DNAH17: variants seen among roughly 807,000 people sequenced by gnomAD.
The protein encoded by DNAH17 is axonemal beta dynein heavy chain 17.
In DNAH17, 376 loss-of-function variants were observed where a neutral mutation model predicts 485.6. That is an observed-to-expected ratio of 0.77 (90% CI 0.71 to 0.84). DNAH17 has a LOEUF of 0.84. Among genes scored for constraint, DNAH17 ranks in the 40% least tolerant of loss-of-function variants. The pLI, the probability that DNAH17 is intolerant of heterozygous loss-of-function variation, is 0.00. For missense variants in DNAH17, 6,370 were observed against 5,839.3 expected, an observed-to-expected ratio of 1.09 and a Z score of -2.96; for synonymous variants, 3,031 against 2,405.9, an observed-to-expected ratio of 1.26 and a Z score of -7.60.
chr17:78,530,460 T>G lies in DNAH17; in HGVS notation c.3167A>C (p.Lys1056Thr). 2 of 1,613,440 alleles carry G rather than the reference T, an allele frequency of 1.2e-6. No homozygotes were observed. Among genetic ancestry groups the G allele is most frequent in the Non-Finnish European group, 8.5e-7 (1 of 1,179,588 alleles). The change falls in exon 21 of 81, where the codon AAG becomes ACG. Residue 1056 changes from lysine (K) to threonine (T), a missense_variant. Physicochemically the swap from Lys to Thr is moderately conservative, Grantham distance 78. Transcript: ENST00000389840. ...YEEVSKCENT[K>T]VFHGWLQCDC... is the part of the protein sequence containing the mutation. Reference sequence around the variant, plus strand: ...GCACTGCAGCCAGCCGTGGAACACCTTGGTGTTCTCGCACTTGGACACCTC... The same window carrying G: ...GCACTGCAGCCAGCCGTGGAACACCGTGGTGTTCTCGCACTTGGACACCTC...
At chr17:78,522,549 A>AC in intron 25 of DNAH17, 1 of 299,926 alleles carries the variant, frequency 3.3e-6, no homozygotes. Flanking sequence ...CCTAAGTCAC[A>AC]CCCATGTTGG....
intron 25 of DNAH17, among the ~76,000 whole-genome samples, chr17:78,521,026 G>A (rs958082587): frequency 2.0e-5 from 3 of 152,150 alleles, no homozygotes; most frequent in Non-Finnish European, 2.9e-5. Flanking sequence ...GGACAGACAC[G>A]AAGACCAATG....
intron 16 of DNAH17, among the ~76,000 whole-genome samples, chr17:78,549,321 G>A (rs187632491): frequency 0.016 from 2,497 of 152,258 alleles, 60 homozygotes; most frequent in Non-Finnish European, 0.02. Context: ...GAAGGCAGCC[G>A]TCTGCACACC....
chr17:78,463,514 A>G (rs1231089759), intron 56 of DNAH17, among the ~76,000 whole-genome samples: 2 of 152,164 alleles, frequency 1.3e-5, no homozygotes, highest in African/African-American at 4.8e-5. Flanking sequence ...ATATGCATTC[A>G]CATACCTGCA....
rs1421199133 is a variant in DNAH17, at chr17:78,476,429, A to C, written c.8154+143T>G. 8.0e-5 allele frequency: 81 copies of C among 1,006,594 alleles called. 1 individual carries two copies. The highest frequency in any genetic ancestry group is 7.3e-5 in the Non-Finnish European group (52 of 710,456). 62.4% of individuals were successfully genotyped at this position (1,006,594 alleles called of 1,614,324 possible). A position where few individuals can be genotyped will look rare whatever the true frequency, so the allele number is the denominator to read the frequency against. On this transcript the variant is annotated intron_variant, in intron 52 of 80. Coordinates refer to ENST00000389840, the MANE Select transcript of DNAH17 (RefSeq NM_173628.4). ...CTCGGATCCACAGCCACTTGCTGGAATGATCGCGTGGAACCTAACACGGAT... is the reference window on the plus strand; with the variant it reads ...CTCGGATCCACAGCCACTTGCTGGACTGATCGCGTGGAACCTAACACGGAT...
Position 78,463,348 on chromosome 17 carries a change from G to A in DNAH17, c.8941-271C>T, listed in dbSNP as rs1417747878. Among the ~76,000 whole-genome samples the A allele has an allele frequency of 2.6e-5, 4 of 152,128 alleles. 1 individual carries two copies. The highest frequency in any genetic ancestry group is 4.1e-4 in the South Asian group (2 of 4,834). On this transcript the variant is annotated intron_variant, in intron 56 of 80. Coordinates refer to ENST00000389840, the MANE Select transcript of DNAH17 (RefSeq NM_173628.4). ...CACAGACGCATACATGCACACACAT[G>A]CATACACACACACGTATATGTGCAC...
chr17:78,482,129 G>A (rs1248648280), intron 48 of DNAH17, among the ~76,000 whole-genome samples: 1 of 139,950 alleles, frequency 7.1e-6, no homozygotes, highest in South Asian at 2.3e-4. Context: ...CCCGGCTGGA[G>A]TGCAGTGGTG....
At chr17:78,543,086 A>G (rs980229687) in intron 17 of DNAH17, among the ~76,000 whole-genome samples, 1 of 150,772 alleles carries the variant, frequency 6.6e-6, no homozygotes, top group Admixed American at 6.6e-5. Context: ...CTACTTAAAG[A>G]TAAGGCTCGC....
intron 17 of DNAH17, among the ~76,000 whole-genome samples, chr17:78,543,473 G>A (rs1598689852): frequency 1.3e-5 from 2 of 151,650 alleles, no homozygotes; most frequent in South Asian, 4.2e-4. Flanking sequence ...TGTATTTTTA[G>A]TAGAGACGGG....
intron 19 of DNAH17, among the ~76,000 whole-genome samples, chr17:78,534,397 G>C (rs2091319695): frequency 6.6e-6 from 1 of 152,236 alleles, no homozygotes; most frequent in African/African-American, 2.4e-5. Flanking sequence ...GCTGGGCCGG[G>C]CCACCCTGCA....
intron 19 of DNAH17, among the ~76,000 whole-genome samples, chr17:78,535,460 C>T (rs1270294609): frequency 6.6e-6 from 1 of 152,196 alleles, no homozygotes; most frequent in African/African-American, 2.4e-5. Context: ...CCTCATGTCA[C>T]CTCTGTACAA....
At chr17:78,434,841 G>A (rs1370985908) in intron 74 of DNAH17, among the ~76,000 whole-genome samples, 3 of 152,228 alleles carry the variant, frequency 2.0e-5, no homozygotes, top group African/African-American at 4.8e-5. Context: ...GCCAAGCTGT[G>A]CTCCACCTGC....
intron 55 of DNAH17, among the ~76,000 whole-genome samples, chr17:78,467,774 T>G (rs1568098651): frequency 1.3e-5 from 2 of 152,104 alleles, no homozygotes; most frequent in Non-Finnish European, 2.9e-5. Context: ...AGGCAGCACT[T>G]TGGGAGGCCG....
Position 78,527,235 on chromosome 17 carries a change from T to A in DNAH17, c.3508-239A>T, listed in dbSNP as rs56938675. On this transcript the variant is annotated intron_variant, in intron 22 of 80. Coordinates refer to ENST00000389840, the MANE Select transcript of DNAH17 (RefSeq NM_173628.4). Reference sequence around the variant, plus strand: ...CCATCTCTACAAAAAATACAAATTCTTTTTAGCTGGGCGTGATGATATGGG... The same window carrying A: ...CCATCTCTACAAAAAATACAAATTCATTTTAGCTGGGCGTGATGATATGGG... 1 allele frequency among the ~76,000 whole-genome samples: 152,106 copies of A among 152,114 alleles called. 76,049 individuals are homozygous for A. Among genetic ancestry groups the A allele is most frequent in the Middle Eastern group, 1 (294 of 294 alleles).
In DNAH17 at chr17:78,569,492, C is replaced by G; in HGVS notation, c.1080G>C (p.Lys360Asn). 6.2e-7 allele frequency: 1 copy of G among 1,610,214 alleles called. No individual in the cohort carries two copies. The highest frequency in any genetic ancestry group is 8.5e-7 in the Non-Finnish European group (1 of 1,178,146). ...CTTCCTCGATTTCACCTTGCAGGCCCTTCAGCACCTCTTCCGGGCTCAGGA... is the reference window on the plus strand; with the variant it reads ...CTTCCTCGATTTCACCTTGCAGGCCGTTCAGCACCTCTTCCGGGCTCAGGA... Reference protein sequence around the residue: ...RTFLSPEEVLKGLQGEIEEVL... With the variant: ...RTFLSPEEVLNGLQGEIEEVL... The change falls in exon 8 of 81, where the codon AAG (lysine) becomes AAC (asparagine). Residue 360 changes from lysine (K) to asparagine (N), a missense_variant. Transcript: ENST00000389840.
chr17:78,560,830 G>T lies in DNAH17; in HGVS notation c.1941C>A (p.Gly647=). 1.3e-6 allele frequency: 2 copies of T among 1,551,688 alleles called. No individual in the cohort carries two copies. The highest frequency in any genetic ancestry group is 1.7e-6 in the Non-Finnish European group (2 of 1,147,102). ...GGTTAAAGTGGCAGTCCTGGTCCAC[G>T]CCCGCCACCCACTGCTGGTAGATCT... ...REKIYQQWVA[G]VDQDCHFNLG... Residue 647 remains glycine, a synonymous_variant, in exon 13 of 81, where the codon GGC becomes GGA. Coordinates refer to ENST00000389840, the MANE Select transcript of DNAH17 (RefSeq NM_173628.4).
In DNAH17 at chr17:78,572,777, T is replaced by C; in HGVS notation, c.463A>G (p.Lys155Glu). Residue 155 changes from lysine to glutamate, a missense_variant, in exon 3 of 81, where the codon AAG becomes GAG. Coordinates refer to ENST00000389840, the MANE Select transcript of DNAH17 (RefSeq NM_173628.4). Reference sequence around the variant, plus strand: ...GGCAGCAAGGTTTTGCCTTTGATCTTGCCACTCATCACAAACATTTCATTC... The same window carrying C: ...GGCAGCAAGGTTTTGCCTTTGATCTCGCCACTCATCACAAACATTTCATTC... ...LKNEMFVMSG[K>E]IKGKTLLPIP... The C allele has an allele frequency of 6.2e-7, 1 of 1,613,698 alleles. No individual in the cohort carries two copies. The highest frequency in any genetic ancestry group is 8.5e-7 in the Non-Finnish European group (1 of 1,179,798).
At chr17:78,437,443 G>C (rs780844076) in intron 74 of DNAH17, among the ~76,000 whole-genome samples, 198 bp downstream of exon 74, 1 of 152,232 alleles carries the variant, frequency 6.6e-6, no homozygotes, top group African/African-American at 2.4e-5. Flanking sequence ...TAGTGCCAGA[G>C]CACCTTAAAT....
chr17:78,453,144 T>C (rs907334607), intron 65 of DNAH17, among the ~76,000 whole-genome samples, 199 bp downstream of exon 65: 1 of 152,344 alleles, frequency 6.6e-6, no homozygotes, highest in African/African-American at 2.4e-5. Context: ...GAGATATTCC[T>C]AATTGGGAAG....
Sources: gnomAD v4.1 joint callset for allele counts (sites outside exome capture counted in the v4.1 genomes callset) on GRCh38, gnomAD v4.1.1 for gene constraint, MANE v1.5 for transcripts, NCBI Gene and HGNC (gene_info 2026-07-23, HGNC 2026-07-21) for gene names.